C10orf105: variants seen among roughly 807,000 people sequenced by gnomAD.
The protein encoded by C10orf105 is uncharacterized protein C10orf105.
C10orf105 carries 2 observed loss-of-function variants against 0.6 expected under a neutral mutation model. The ratio of observed to expected loss-of-function variants is 3.18; its 90% CI spans 1.30 to 10.01. The LOEUF (loss-of-function observed/expected upper bound fraction) is 10.01. Ranked by LOEUF, C10orf105 falls within the 30% of genes most tolerant of loss-of-function variation. The pLI is 0.04. For missense variants in C10orf105, 209 were observed against 191.4 expected, an observed-to-expected ratio of 1.09 and a Z score of -0.54; for synonymous variants, 95 against 82.4, an observed-to-expected ratio of 1.15 and a Z score of -0.83.
In C10orf105 at chr10:71,713,148, T is replaced by C. The variant is rs561756808; in HGVS notation, c.*2788A>G. The C allele has an allele frequency of 6.4e-6, 5 of 778,440 alleles. 1 individual carries two copies. In the East Asian group the frequency reaches 1.2e-4, roughly 19 times the overall value. The allele number at this position is 778,440 out of a possible 1,614,324, so 48.2% of individuals were successfully genotyped here. ...GACGTCACAATTTCCCGGAAAGGAG[T>C]TGAGAAGAGAGCCAGGGCCCAGCAA... On this transcript the variant is annotated 3_prime_UTR_variant, in exon 2 of 2. Transcript: ENST00000441508.
rs1866798398 is a variant in C10orf105, at chr10:71,726,139, G to A, written c.-5-9797C>T. Among the ~76,000 whole-genome samples the A allele has an allele frequency of 1.3e-5, 2 of 152,072 alleles. 1 individual carries two copies. The highest frequency in any genetic ancestry group is 4.1e-4 in the South Asian group (2 of 4,822). ...CACTGGTTGTGTTATGTGTACTACC[G>A]CCAGCAGGGGGATGACTGAGATGAA... is the stretch of plus-strand genomic sequence containing the variant. On this transcript the variant is annotated intron_variant, in intron 1 of 1. Transcript: ENST00000398786.
intron 1 of C10orf105, among the ~76,000 whole-genome samples, chr10:71,734,899 G>A (rs1465369423): frequency 6.6e-6 from 1 of 152,242 alleles, no homozygotes; most frequent in Non-Finnish European, 1.5e-5. Flanking sequence ...CTTGGGTGGG[G>A]AGAGTACTAG....
intron 1 of C10orf105, chr10:71,732,351 C>G: frequency 6.4e-7 from 1 of 1,574,642 alleles, no homozygotes; most frequent in Non-Finnish European, 8.6e-7. Context: ...AGGCCAAAGC[C>G]CTCTTCAAGA....
intron 1 of C10orf105, chr10:71,734,414 T>A: frequency 6.6e-7 from 1 of 1,510,550 alleles, no homozygotes; most frequent in Non-Finnish European, 9.0e-7. Flanking sequence ...ACCCATGTCC[T>A]CGCCAGCCAC....
chr10:71,713,201 G>A lies in C10orf105; in HGVS notation c.*2735C>T, dbSNP rs370181056. On this transcript the variant is annotated 3_prime_UTR_variant, in exon 2 of 2. Coordinates refer to ENST00000441508, the MANE Select transcript of C10orf105 (RefSeq NM_001164375.3). ...CCCAGAACAGAGCTGCTTTCACAGA[G>A]CCCTTGGCCGAGGCTCCCCTCTTGG... 1.3e-6 allele frequency: 1 copy of A among 779,266 alleles called. No individual in the cohort carries two copies. The highest frequency in any genetic ancestry group is 1.3e-5 in the South Asian group (1 of 74,492). 48.3% of individuals were successfully genotyped at this position (779,266 alleles called of 1,614,324 possible).
chr10:71,718,814 C>T (rs1866413036), intron 1 of C10orf105, among the ~76,000 whole-genome samples: 2 of 152,130 alleles, frequency 1.3e-5, no homozygotes. Flanking sequence ...CACCTGTAAT[C>T]CCAGCACTTT....
At chr10:71,724,592 G>A (rs932666614), upstream of C10orf105, among the ~76,000 whole-genome samples, 4 of 152,162 alleles carry the variant, frequency 2.6e-5, no homozygotes, top group South Asian at 2.1e-4. Flanking sequence ...GTGAGCCACC[G>A]TGCCCCTGGG....
At position 71,713,382 on chromosome 10, in the gene C10orf105, G is replaced by A. The variant is rs1866070581; in HGVS notation, c.*2554C>T. On this transcript the variant is annotated 3_prime_UTR_variant, in exon 2 of 2. Coordinates refer to ENST00000441508, the MANE Select transcript of C10orf105 (RefSeq NM_001164375.3). ...CCTCAGTTGCTGGGTGGGGAGGGAG[G>A]CCCGGAGTGAATGAGTCTCTTTACC... is the stretch of plus-strand genomic sequence containing the variant. 1 of 718,454 alleles carries A rather than the reference G, an allele frequency of 1.4e-6. No individual in the cohort carries two copies. Among genetic ancestry groups the A allele is most frequent in the Middle Eastern group, 2.6e-4 (1 of 3,896 alleles). The allele number at this position is 718,454 out of a possible 1,614,324, so 44.5% of individuals were successfully genotyped here.
intron 1 of C10orf105, among the ~76,000 whole-genome samples, chr10:71,736,350 T>C (rs1007289392): frequency 1.3e-5 from 2 of 152,086 alleles, no homozygotes; most frequent in Admixed American, 6.5e-5. Flanking sequence ...GGTGGAAACA[T>C]TTCCTCTGCT....
upstream of C10orf105, among the ~76,000 whole-genome samples, chr10:71,723,856 G>T (rs1453590637): frequency 6.6e-6 from 1 of 152,122 alleles, no homozygotes. Flanking sequence ...ATCAGCGGTC[G>T]GACATCCTCT....
chr10:71,716,028 G>C lies in C10orf105; in HGVS notation c.310C>G (p.Arg104Gly), dbSNP rs945675362. Residue 104 changes from arginine (R) to glycine (G), a missense_variant, in exon 2 of 2, where the codon CGC becomes GGC. Physicochemically the swap from Arg to Gly is moderately radical, Grantham distance 125 (BLOSUM62 -2). Transcript: ENST00000441508. ...GSLRLSLHSF[R>G]HGRPTVPRQP... ...CGAGGGACGGTGGGCCGGCCATGGC[G>C]GAAGCTGTGCAGGGAGAGGCGCAAG... 1 of 1,502,762 alleles carries C rather than the reference G, an allele frequency of 6.7e-7. No individual in the cohort carries two copies. The highest frequency in any genetic ancestry group is 1.3e-5 in the South Asian group (1 of 76,042). 93.1% of individuals were successfully genotyped at this position (1,502,762 alleles called of 1,614,324 possible).
rs1177776118 is a variant in C10orf105 at position 71,715,082 on chromosome 10, G to A, written c.*854C>T. 3 of 152,236 alleles carry A rather than the reference G, an allele frequency of 2.0e-5. No individual in the cohort carries two copies. The highest frequency in any genetic ancestry group is 2.9e-5 in the Non-Finnish European group (2 of 68,076). 9.4% of individuals were successfully genotyped at this position (152,236 alleles called of 1,614,324 possible). A position where few individuals can be genotyped will look rare whatever the true frequency, so the allele number is the denominator to read the frequency against. Reference sequence around the variant, plus strand: ...GAGAGGTCCAGACCATCCCACCCTCGGGGAGGCTGCCGCTTTCCCTGGGTG... The same window carrying A: ...GAGAGGTCCAGACCATCCCACCCTCAGGGAGGCTGCCGCTTTCCCTGGGTG... On this transcript the variant is annotated 3_prime_UTR_variant, in exon 2 of 2. Coordinates refer to ENST00000441508, the MANE Select transcript of C10orf105 (RefSeq NM_001164375.3).
intron 1 of C10orf105, among the ~76,000 whole-genome samples, chr10:71,733,487 C>T (rs1440316143): frequency 1.3e-5 from 2 of 152,208 alleles, no homozygotes; most frequent in Non-Finnish European, 2.9e-5. Flanking sequence ...TGATCAGCCC[C>T]AACCGAGGAC....
intron 1 of C10orf105, chr10:71,734,541 G>A (rs562760731): frequency 4.4e-6 from 7 of 1,606,604 alleles, no homozygotes; most frequent in Non-Finnish European, 5.9e-6. Flanking sequence ...GCAGGTGGAG[G>A]GTGGCACCTC....
rs757111825 is a variant in C10orf105, at chr10:71,734,631, C to G, written c.-6+3097G>C. 7.9e-6 allele frequency: 12 copies of G among 1,519,700 alleles called. No homozygotes were observed. The Admixed American group carries it at 1.9e-4, about 24-fold the overall frequency. The allele number at this position is 1,519,700 out of a possible 1,614,324, so 94.1% of individuals were successfully genotyped here. A position where few individuals can be genotyped will look rare whatever the true frequency, so the allele number is the denominator to read the frequency against. The stretch of plus-strand genomic sequence containing the variant: ...CATCTTTGCCTTTTCTCTCACTCCC[C>G]TCCTGCTGCTGCCTCTGCCTACAGA... On this transcript the variant is annotated intron_variant, in intron 1 of 1. Transcript: ENST00000398786.
chr10:71,716,554 G>T (rs1334370922), intron 1 of C10orf105: 2 of 458,138 alleles, frequency 4.4e-6, no homozygotes, highest in East Asian at 7.0e-5. Context: ...CTGGGCCCAA[G>T]CTCAGGCCCT....
At position 71,732,455 on chromosome 10, in the gene C10orf105, C is replaced by A. The variant is rs74147047; in HGVS notation, c.-6+5273G>T. The A allele has an allele frequency of 2.2e-4, 341 of 1,526,404 alleles. 1 individual carries two copies. In the African/African-American group the frequency reaches 4.4e-3, roughly 20 times the overall value. The allele number at this position is 1,526,404 out of a possible 1,614,324, so 94.6% of individuals were successfully genotyped here. The stretch of plus-strand genomic sequence containing the variant: ...GAGCTCCTTCTGTGTGCACAGCACT[C>A]TCCTCTTTGTCATAAAATGTCCTTG... On this transcript the variant is annotated intron_variant, in intron 1 of 1. Transcript: ENST00000398786.
intron 1 of C10orf105, among the ~76,000 whole-genome samples, chr10:71,729,308 G>C (rs1187478030): frequency 1.3e-5 from 2 of 152,242 alleles, no homozygotes; most frequent in African/African-American, 2.4e-5. Flanking sequence ...GGATTGGTGT[G>C]AAAGTAATGT....
chr10:71,726,458 A>T (rs1003535900), intron 1 of C10orf105, among the ~76,000 whole-genome samples: 3 of 152,088 alleles, frequency 2.0e-5, no homozygotes, highest in Non-Finnish European at 4.4e-5. Context: ...GGGGTGGGTG[A>T]CTCAGCCCTG....
Sources: allele counts gnomAD v4.1 joint callset (sites outside exome capture counted in the v4.1 genomes callset), GRCh38; gene constraint gnomAD v4.1.1; transcripts MANE v1.5; gene names NCBI Gene and HGNC (gene_info 2026-07-23, HGNC 2026-07-21).